FMN1: variants seen among roughly 807,000 people sequenced by gnomAD.
FMN1 encodes the protein formin 1, also known as formin-1.
Under a neutral mutation model 132.4 loss-of-function variants are expected in FMN1, and 110 were observed. The ratio of observed to expected loss-of-function variants is 0.83; its 90% confidence interval spans 0.71 to 0.97. The LOEUF is 0.97. FMN1 is among the 50% of genes least tolerant of loss of function. The probability of loss-of-function intolerance (pLI) is 0.00; values close to 1 mark genes in which losing one functional copy is unlikely to be tolerated. For missense variants in FMN1, 1,792 were observed against 1,705.3 expected (o/e 1.05, Z -0.90); for synonymous variants, 722 against 651.7 (o/e 1.11, Z -1.64).
chr15:32,946,703 G>T (rs1433428286), intron 9 of FMN1, among the ~76,000 whole-genome samples: 5 of 152,164 alleles, frequency 3.3e-5, no homozygotes, highest in Admixed American at 3.3e-4. Context: ...CAGAAAATGT[G>T]AAGTTGGAGG....
chr15:33,075,517 A>G (rs2038174471), intron 5 of FMN1, among the ~76,000 whole-genome samples: 1 of 152,214 alleles, frequency 6.6e-6, no homozygotes, highest in Admixed American at 6.5e-5. Flanking sequence ...TTGCAGGGCC[A>G]GTGTTTTCTG....
intron 4 of FMN1, among the ~76,000 whole-genome samples, chr15:33,101,698 T>C (rs1345251047): frequency 1.3e-5 from 2 of 152,020 alleles, no homozygotes; most frequent in Non-Finnish European, 2.9e-5. Context: ...CAAGAGACTT[T>C]ATGTCATTGT....
At chr15:33,010,671 T>G (rs998874682) in intron 6 of FMN1, among the ~76,000 whole-genome samples, 7 of 152,122 alleles carry the variant, frequency 4.6e-5, no homozygotes, top group Non-Finnish European at 1.0e-4. Context: ...TTCATACATC[T>G]AGAAAAATCT....
intron 9 of FMN1, among the ~76,000 whole-genome samples, chr15:32,960,454 T>C (rs1051647755): frequency 2.0e-5 from 3 of 152,166 alleles, no homozygotes; most frequent in Non-Finnish European, 4.4e-5. Context: ...CCATGCAATA[T>C]AGCCTTTTAA....
chr15:33,101,531 G>A (rs1475277086), intron 4 of FMN1, among the ~76,000 whole-genome samples: 1 of 152,034 alleles, frequency 6.6e-6, no homozygotes, highest in Non-Finnish European at 1.5e-5. Flanking sequence ...ATTCAAAGCT[G>A]CCCTGGGATA....
chr15:32,904,126 C>T (rs1176661788), intron 12 of FMN1, among the ~76,000 whole-genome samples: 1 of 151,864 alleles, frequency 6.6e-6, no homozygotes, highest in Non-Finnish European at 1.5e-5. Flanking sequence ...GAGAAGTAAA[C>T]CAACAATTAC....
intron 6 of FMN1, among the ~76,000 whole-genome samples, chr15:33,048,505 C>T (rs960753653): frequency 3.3e-5 from 5 of 151,320 alleles, no homozygotes; most frequent in African/African-American, 9.7e-5. Flanking sequence ...AAGTTTCTAA[C>T]AGTTACCATT....
intron 4 of FMN1, among the ~76,000 whole-genome samples, chr15:33,138,666 T>C (rs1172478578): frequency 6.6e-6 from 1 of 152,172 alleles, no homozygotes; most frequent in Non-Finnish European, 1.5e-5. Context: ...AAAGCTCTGA[T>C]TATTCTAAAA....
intron 16 of FMN1, among the ~76,000 whole-genome samples, chr15:32,868,696 TCATTCACC>T (rs2059449030): frequency 6.6e-6 from 1 of 152,124 alleles, no homozygotes; most frequent in Non-Finnish European, 1.5e-5. Context: ...TGACATTCAC[TCATTCACC>T]CACTTTCACT....
chr15:33,081,377 A>G (rs546160109), intron 5 of FMN1, among the ~76,000 whole-genome samples: 7 of 152,306 alleles, frequency 4.6e-5, no homozygotes, highest in Admixed American at 1.3e-4. Context: ...CTTGAATACA[A>G]TATGTAATAA....
intron 18 of FMN1, among the ~76,000 whole-genome samples, chr15:32,803,426 T>C (rs2057547814): frequency 6.6e-6 from 1 of 152,150 alleles, no homozygotes; most frequent in South Asian, 2.1e-4. Context: ...GAACTGCTGA[T>C]GATTAGGTTC....
At chr15:33,085,321 A>G (rs1371541011) in intron 5 of FMN1, among the ~76,000 whole-genome samples, 1 of 152,130 alleles carries the variant, frequency 6.6e-6, no homozygotes, top group Non-Finnish European at 1.5e-5. Flanking sequence ...TTAAACATAT[A>G]GGAGTCAAAT....
intron 4 of FMN1, among the ~76,000 whole-genome samples, chr15:33,112,765 G>T (rs1485864759): frequency 6.6e-6 from 1 of 152,166 alleles, no homozygotes; most frequent in Non-Finnish European, 1.5e-5. Flanking sequence ...TTCTGCTAGA[G>T]ATCACATGGG....
chr15:33,030,533 T>C (rs931769759), intron 6 of FMN1, among the ~76,000 whole-genome samples: 1 of 152,196 alleles, frequency 6.6e-6, no homozygotes, highest in African/African-American at 2.4e-5. Flanking sequence ...AATGGGGACA[T>C]TAGGATCTGG....
At position 32,958,509 on chromosome 15, in the gene FMN1, A is replaced by G. The variant is rs114537528; in HGVS notation, c.3138+5598T>C. ...AGATTTCTTCTAATTCCTAGACTAC[A>G]TGATATTACAGAACAGGATCCCTGC... On this transcript the variant is annotated intron_variant, in intron 9 of 20. Transcript: ENST00000616417. 4.1e-3 allele frequency among the ~76,000 whole-genome samples: 617 copies of G among 152,300 alleles called. 1 individual carries two copies. The highest frequency in any genetic ancestry group is 0.014 in the African/African-American group (587 of 41,542).
chr15:32,872,030 G>C (rs572272856), intron 16 of FMN1, among the ~76,000 whole-genome samples: 1 of 151,496 alleles, frequency 6.6e-6, no homozygotes, highest in African/African-American at 2.4e-5. Context: ...GCCTGTGCAT[G>C]AAAGTAGCTC....
intron 17 of FMN1, among the ~76,000 whole-genome samples, chr15:32,854,777 G>T (rs2059087532): frequency 6.6e-6 from 1 of 151,638 alleles, no homozygotes; most frequent in Non-Finnish European, 1.5e-5. Context: ...GGCCGGGTGT[G>T]GTGGTGGGCG....
chr15:32,928,532 G>A (rs946813143), intron 9 of FMN1, among the ~76,000 whole-genome samples: 4 of 152,144 alleles, frequency 2.6e-5, no homozygotes, highest in African/African-American at 4.8e-5. Context: ...CTGGGGATGC[G>A]GAGGTGACTG....
rs944386845 is a variant in FMN1 at position 32,773,337 on chromosome 15, C to T, written c.*973G>A. ...AGGTGCTGTGAGTTGCATTTGCTCT[C>T]CTGTCTGGAAACTGCCTCCTGGGGA... On this transcript the variant is annotated 3_prime_UTR_variant, in exon 21 of 21. Transcript: ENST00000616417. 2 of 152,320 alleles carry T rather than the reference C, an allele frequency of 1.3e-5. No homozygotes were observed. The highest frequency in any genetic ancestry group is 6.8e-3 in the Middle Eastern group (2 of 294). The allele number at this position is 152,320 out of a possible 1,614,324, so 9.4% of individuals were successfully genotyped here. A position where few individuals can be genotyped will look rare whatever the true frequency, so the allele number is the denominator to read the frequency against.
Sources: gnomAD v4.1 joint callset for allele counts (sites outside exome capture counted in the v4.1 genomes callset) on GRCh38, gnomAD v4.1.1 for gene constraint, MANE v1.5 for transcripts, NCBI Gene and HGNC (gene_info 2026-07-23, HGNC 2026-07-21) for gene names.